HLA-E: variants seen among roughly 807,000 people sequenced by gnomAD.
HLA-E encodes the protein HLA class I histocompatibility antigen, alpha chain E.
In HLA-E, 25 loss-of-function variants were observed where a neutral mutation model predicts 43.4. The observed-to-expected ratio is 0.58, with a 90% CI of 0.42 to 0.80. The LOEUF (loss-of-function observed/expected upper bound fraction) is 0.80. Among genes scored for constraint, HLA-E ranks in the 30% least tolerant of loss-of-function variants. The probability of loss-of-function intolerance (pLI) is 0.00; values close to 1 mark genes in which losing one functional copy is unlikely to be tolerated. For synonymous variants in HLA-E, 161 were observed against 197.6 expected, an observed-to-expected ratio of 0.81 and a Z score of 1.55; for missense variants, 343 against 470.0, an observed-to-expected ratio of 0.73 and a Z score of 2.50.
In HLA-E at chr6:30,490,345, T is replaced by C. The variant is rs1796461686; in HGVS notation, c.440T>C (p.Leu147Pro). 6.2e-7 allele frequency: 1 copy of C among 1,612,946 alleles called. No individual in the cohort carries two copies. Among genetic ancestry groups the C allele is most frequent in the African/African-American group, 1.3e-5 (1 of 74,914 alleles). ...FAYDGKDYLT[L>P]NEDLRSWTAV... ...TACGACGGCAAGGATTATCTCACCCTGAATGAGGACCTGCGCTCCTGGACC... is the reference window on the plus strand; with the variant it reads ...TACGACGGCAAGGATTATCTCACCCCGAATGAGGACCTGCGCTCCTGGACC... The change falls in exon 3 of 8, where the codon CTG (leucine) becomes CCG (proline). Residue 147 changes from leucine (L) to proline (P), a missense_variant. By Grantham distance (98) the Leu-to-Pro change is moderately conservative. Transcript: ENST00000376630. The surrounding 1 kb of genome is among the most constrained non-coding windows in gnomAD (Gnocchi z 6.6).
chr6:30,491,584 C>T lies in HLA-E; in HGVS notation c.934C>T (p.Leu312=). 1 of 1,613,582 alleles carries T rather than the reference C, an allele frequency of 6.2e-7. No individual in the cohort carries two copies. Among genetic ancestry groups the T allele is most frequent in the Non-Finnish European group, 8.5e-7 (1 of 1,179,992 alleles). ...CCCCATCGTGGGCATCATTGCTGGC[C>T]TGGTTCTCCTTGGATCTGTGGTCTC... ...TIPIVGIIAG[L]VLLGSVVSGA... Residue 312 remains leucine, a synonymous_variant, in exon 5 of 8, where the codon CTG becomes TTG. Coordinates refer to ENST00000376630, the MANE Select transcript of HLA-E (RefSeq NM_005516.6). The surrounding 1 kb of genome is among the most constrained non-coding windows in gnomAD (Gnocchi z 5.4).
chr6:30,490,326 G>A lies in HLA-E; in HGVS notation c.421G>A (p.Gly141Ser). Reference sequence around the variant, plus strand: ...CGGGTATGAACAGTTCGCCTACGACGGCAAGGATTATCTCACCCTGAATGA... The same window carrying A: ...CGGGTATGAACAGTTCGCCTACGACAGCAAGGATTATCTCACCCTGAATGA... The part of the protein sequence containing the change: ...LRGYEQFAYD[G>S]KDYLTLNEDL... The change falls in exon 3 of 8, where the codon GGC (glycine) becomes AGC (serine). Residue 141 changes from glycine to serine, a missense_variant. This residue lies in a region of HLA-E where 190 missense variants were observed against 283.6 expected (regional missense o/e 0.67). Coordinates refer to ENST00000376630, the MANE Select transcript of HLA-E (RefSeq NM_005516.6). The surrounding 1 kb of genome is among the most constrained non-coding windows in gnomAD (Gnocchi z 6.6). 1 of 1,613,080 alleles carries A rather than the reference G, an allele frequency of 6.2e-7. No individual in the cohort carries two copies. The highest frequency in any genetic ancestry group is 8.5e-7 in the Non-Finnish European group (1 of 1,180,042).
Position 30,492,555 on chromosome 6 carries a change from C to T in HLA-E, c.1051C>T (p.Gln351Ter), listed in dbSNP as rs373777634. The change falls in exon 7 of 8, where the codon CAG becomes TAG. Residue 351 changes from glutamine to a stop codon, truncating the protein, a stop_gained. Transcript: ENST00000376630. LOFTEE classifies it high-confidence loss of function. The surrounding 1 kb of genome is among the most constrained non-coding windows in gnomAD (Gnocchi z 4.5). ...YSKAEWSDSAQGSESHSL is the reference protein window; with the variant it reads ...YSKAEWSDSA ...TTCTACCCCAGGGAGCGACAGTGCCCAGGGGTCTGAGTCTCACAGCTTGTA... is the reference window on the plus strand; with the variant it reads ...TTCTACCCCAGGGAGCGACAGTGCCTAGGGGTCTGAGTCTCACAGCTTGTA... 8 of 1,614,092 alleles carry T rather than the reference C, an allele frequency of 5.0e-6. No individual in the cohort carries two copies. The highest frequency in any genetic ancestry group is 8.5e-7 in the Non-Finnish European group (1 of 1,180,024).
In HLA-E at chr6:30,492,661, A is replaced by G. The variant is rs1796631667; in HGVS notation, c.*2+78A>G. 2.1e-6 allele frequency: 3 copies of G among 1,412,060 alleles called. No homozygotes were observed. The highest frequency in any genetic ancestry group is 2.3e-5 in the East Asian group (1 of 43,882). The allele number at this position is 1,412,060 out of a possible 1,614,324, so 87.5% of individuals were successfully genotyped here. On this transcript the variant is annotated intron_variant, in intron 7 of 7. Coordinates refer to ENST00000376630, the MANE Select transcript of HLA-E (RefSeq NM_005516.6). The surrounding 1 kb of genome is among the most constrained non-coding windows in gnomAD (Gnocchi z 4.5). The stretch of plus-strand genomic sequence containing the variant: ...CTGGGTTGTGGGGATTTTTTGATTC[A>G]GAATTTTTGAGTGTGTGGTGGGCTG...
chr6:30,492,558 G>A lies in HLA-E; in HGVS notation c.1054G>A (p.Gly352Arg), dbSNP rs1457322181. The A allele has an allele frequency of 6.2e-7, 1 of 1,614,164 alleles. No homozygotes were observed. The highest frequency in any genetic ancestry group is 8.5e-7 in the Non-Finnish European group (1 of 1,180,030). The change falls in exon 7 of 8, where the codon GGG (glycine) becomes AGG (arginine). Residue 352 changes from glycine (G) to arginine (R), a missense_variant. Coordinates refer to ENST00000376630, the MANE Select transcript of HLA-E (RefSeq NM_005516.6). This position sits in a 1 kb window ranked among gnomAD's most constrained non-coding sequence, Gnocchi z 4.5. The stretch of plus-strand genomic sequence containing the variant: ...TACCCCAGGGAGCGACAGTGCCCAG[G>A]GGTCTGAGTCTCACAGCTTGTAAAG... The part of the protein sequence containing the change: ...SKAEWSDSAQ[G>R]SESHSL
chr6:30,489,576 C>T lies in HLA-E; in HGVS notation c.45C>T (p.Ala15=), dbSNP rs753501391. The T allele has an allele frequency of 1.9e-6, 3 of 1,557,676 alleles. No homozygotes were observed. Among genetic ancestry groups the T allele is most frequent in the Non-Finnish European group, 2.6e-6 (3 of 1,152,920 alleles). The change falls in exon 1 of 8, where the codon GCC becomes GCT. Residue 15 remains alanine, a synonymous_variant. Transcript: ENST00000376630. This position sits in a 1 kb window ranked among gnomAD's most constrained non-coding sequence, Gnocchi z 5.6. ...TTTTACTCCTCTCGGAGGCCCTGGC[C>T]CTTACCCAGACCTGGGCGGGTGAGT... ...TLLLLLSEAL[A]LTQTWAGSHS... is the part of the protein sequence containing the mutation.
In HLA-E at chr6:30,490,336, A is replaced by G; in HGVS notation, c.431A>G (p.Tyr144Cys). ...YEQFAYDGKD[Y>C]LTLNEDLRSW... ...CAGTTCGCCTACGACGGCAAGGATT[A>G]TCTCACCCTGAATGAGGACCTGCGC... The change falls in exon 3 of 8, where the codon TAT becomes TGT. Residue 144 changes from tyrosine (Y) to cysteine (C), a missense_variant. Tyr to Cys is a radical substitution (Grantham distance 194). Around this residue, in one of 3 missense-constraint regions of HLA-E, gnomAD observed 190 missense variants for 283.6 expected, o/e 0.67. Coordinates refer to ENST00000376630, the MANE Select transcript of HLA-E (RefSeq NM_005516.6). This position sits in a 1 kb window ranked among gnomAD's most constrained non-coding sequence, Gnocchi z 6.6. 6.2e-7 allele frequency: 1 copy of G among 1,613,074 alleles called. No individual in the cohort carries two copies. Among genetic ancestry groups the G allele is most frequent in the South Asian group, 1.1e-5 (1 of 91,088 alleles).
Position 30,492,555 on chromosome 6 carries a change from C to G in HLA-E, c.1051C>G (p.Gln351Glu), listed in dbSNP as rs373777634. ...TTCTACCCCAGGGAGCGACAGTGCC[C>G]AGGGGTCTGAGTCTCACAGCTTGTA... ...YSKAEWSDSA[Q>E]GSESHSL The change falls in exon 7 of 8, where the codon CAG (glutamine) becomes GAG (glutamate). Residue 351 changes from glutamine to glutamate, a missense_variant. Coordinates refer to ENST00000376630, the MANE Select transcript of HLA-E (RefSeq NM_005516.6). The surrounding 1 kb of genome is among the most constrained non-coding windows in gnomAD (Gnocchi z 4.5). 3 of 1,613,974 alleles carry G rather than the reference C, an allele frequency of 1.9e-6. No individual in the cohort carries two copies. Among genetic ancestry groups the G allele is most frequent in the African/African-American group, 2.7e-5 (2 of 74,886 alleles).
At position 30,490,096 on chromosome 6, in the gene HLA-E, C is replaced by G; in HGVS notation, c.334+101C>G. On this transcript the variant is annotated intron_variant, in intron 2 of 7. Transcript: ENST00000376630. This position sits in a 1 kb window ranked among gnomAD's most constrained non-coding sequence, Gnocchi z 6.6. ...TTCGGGTCCCAGATTCACCCCAAGG[C>G]TGCGGAACCCGCCCAGACCCTAGAC... 6.7e-7 allele frequency: 1 copy of G among 1,503,164 alleles called. No homozygotes were observed. Among genetic ancestry groups the G allele is most frequent in the Non-Finnish European group, 9.0e-7 (1 of 1,105,026 alleles). 93.1% of individuals were successfully genotyped at this position (1,503,164 alleles called of 1,614,324 possible).
rs897266721 is a variant in HLA-E, at chr6:30,492,203, G to A, written c.1004-201G>A. Among the ~76,000 whole-genome samples the A allele has an allele frequency of 6.6e-6, 1 of 152,132 alleles. No individual in the cohort carries two copies. Among genetic ancestry groups the A allele is most frequent in the Non-Finnish European group, 1.5e-5 (1 of 68,024 alleles). On this transcript the variant is annotated intron_variant, in intron 5 of 7. Transcript: ENST00000376630. This position sits in a 1 kb window ranked among gnomAD's most constrained non-coding sequence, Gnocchi z 4.5. ...GATCCCAGCAGTCACAGGTCACAGG[G>A]GAAGGTCCCTGCTGAAGACAGACCT...
chr6:30,489,962 A>G lies in HLA-E; in HGVS notation c.301A>G (p.Thr101Ala). Reference sequence around the variant, plus strand: ...ACAGATTTTCCGAGTGAATCTGCGGACGCTGCGCGGCTACTACAATCAGAG... The same window carrying G: ...ACAGATTTTCCGAGTGAATCTGCGGGCGCTGCGCGGCTACTACAATCAGAG... ...TAQIFRVNLR[T>A]LRGYYNQSEA... The change falls in exon 2 of 8, where the codon ACG (threonine) becomes GCG (alanine). Residue 101 changes from threonine to alanine, a missense_variant. Around this residue, in one of 3 missense-constraint regions of HLA-E, gnomAD observed 94 missense variants for 144.4 expected, o/e 0.65. Transcript: ENST00000376630. This position sits in a 1 kb window ranked among gnomAD's most constrained non-coding sequence, Gnocchi z 5.6. 6.2e-7 allele frequency: 1 copy of G among 1,610,940 alleles called. No homozygotes were observed. The highest frequency in any genetic ancestry group is 8.5e-7 in the Non-Finnish European group (1 of 1,178,724).
chr6:30,491,748 C>A lies in HLA-E; in HGVS notation c.1003+95C>A. The A allele has an allele frequency of 1.0e-6, 1 of 986,550 alleles. No homozygotes were observed. The highest frequency in any genetic ancestry group is 1.5e-6 in the Non-Finnish European group (1 of 649,866). The allele number at this position is 986,550 out of a possible 1,614,324, so 61.1% of individuals were successfully genotyped here. ...TGTGTCCTGCCTCGTTACTGGGAAG[C>A]ACCATCCACACACACGAGCCTACCC... On this transcript the variant is annotated intron_variant, in intron 5 of 7. Coordinates refer to ENST00000376630, the MANE Select transcript of HLA-E (RefSeq NM_005516.6). The surrounding 1 kb of genome is among the most constrained non-coding windows in gnomAD (Gnocchi z 5.4).
chr6:30,493,795 A>G lies in HLA-E; in HGVS notation c.*1049A>G, dbSNP rs1437303250. The G allele has an allele frequency of 6.6e-6, 1 of 152,578 alleles. No individual in the cohort carries two copies. Among genetic ancestry groups the G allele is most frequent in the Non-Finnish European group, 1.5e-5 (1 of 68,344 alleles). 9.5% of individuals were successfully genotyped at this position (152,578 alleles called of 1,614,324 possible). A position where few individuals can be genotyped will look rare whatever the true frequency, so the allele number is the denominator to read the frequency against. On this transcript the variant is annotated 3_prime_UTR_variant, in exon 8 of 8. Coordinates refer to ENST00000376630, the MANE Select transcript of HLA-E (RefSeq NM_005516.6). The surrounding 1 kb of genome is among the most constrained non-coding windows in gnomAD (Gnocchi z 5.5). ...GCCACAGAGGGCCCCCACCAGGGAAATGTCTAGTGTCTAGTGGATCCAGGC... is the reference window on the plus strand; with the variant it reads ...GCCACAGAGGGCCCCCACCAGGGAAGTGTCTAGTGTCTAGTGGATCCAGGC...
Position 30,491,449 on chromosome 6 carries a change from G to A in HLA-E, c.886+37G>A, listed in dbSNP as rs1487981845. ...GATGGGAGGTCATGTCTCTTCTCAG[G>A]GAAAGCGGGAGCCCTTCTGGAGCCC... On this transcript the variant is annotated intron_variant, in intron 4 of 7. Transcript: ENST00000376630. The surrounding 1 kb of genome is among the most constrained non-coding windows in gnomAD (Gnocchi z 5.4). 5 of 1,612,638 alleles carry A rather than the reference G, an allele frequency of 3.1e-6. No homozygotes were observed. The African/African-American group carries it at 4.0e-5, about 13-fold the overall frequency.
In HLA-E at chr6:30,491,695, A is replaced by G; in HGVS notation, c.1003+42A>G. ...GGTGGGGTCTGAGTTTTCTTGTCCC[A>G]CTGGGTGTTTCAAGCCCTAGGTAAA... is the stretch of plus-strand genomic sequence containing the variant. On this transcript the variant is annotated intron_variant, in intron 5 of 7. Coordinates refer to ENST00000376630, the MANE Select transcript of HLA-E (RefSeq NM_005516.6). This position sits in a 1 kb window ranked among gnomAD's most constrained non-coding sequence, Gnocchi z 5.4. 2 of 1,511,836 alleles carry G rather than the reference A, an allele frequency of 1.3e-6. No homozygotes were observed. The highest frequency in any genetic ancestry group is 1.1e-5 in the South Asian group (1 of 87,240). The allele number at this position is 1,511,836 out of a possible 1,614,324, so 93.7% of individuals were successfully genotyped here. A position where few individuals can be genotyped will look rare whatever the true frequency, so the allele number is the denominator to read the frequency against.
In HLA-E at chr6:30,491,551, C is replaced by A. The variant is rs1409467336; in HGVS notation, c.901C>A (p.Pro301Thr). The A allele has an allele frequency of 6.2e-7, 1 of 1,613,266 alleles. No individual in the cohort carries two copies. Among genetic ancestry groups the A allele is most frequent in the Non-Finnish European group, 8.5e-7 (1 of 1,179,878 alleles). ...VTLRWKPASQ[P>T]TIPIVGIIAG... ...TCTTTTCCCAGAGCCGGCTTCCCAG[C>A]CCACCATCCCCATCGTGGGCATCAT... Residue 301 changes from proline (P) to threonine (T), a missense_variant, in exon 5 of 8, where the codon CCC becomes ACC. Coordinates refer to ENST00000376630, the MANE Select transcript of HLA-E (RefSeq NM_005516.6). The surrounding 1 kb of genome is among the most constrained non-coding windows in gnomAD (Gnocchi z 5.4).
Position 30,490,500 on chromosome 6 carries a change from A to T in HLA-E, c.595A>T (p.Thr199Ser). ...CAAATACCTGGAGAAGGGGAAGGAG[A>T]CGCTGCTTCACCTGGGTAAGAGGGT... is the stretch of plus-strand genomic sequence containing the variant. Reference protein sequence around the residue: ...LHKYLEKGKETLLHLEPPKTH... With the variant: ...LHKYLEKGKESLLHLEPPKTH... The change falls in exon 3 of 8, where the codon ACG becomes TCG. Residue 199 changes from threonine (T) to serine (S), a missense_variant. By Grantham distance (58) the Thr-to-Ser change is moderately conservative (BLOSUM62 1). This residue lies in a region of HLA-E where 190 missense variants were observed against 283.6 expected (regional missense o/e 0.67). Transcript: ENST00000376630. The surrounding 1 kb of genome is among the most constrained non-coding windows in gnomAD (Gnocchi z 6.6). The T allele has an allele frequency of 6.2e-7, 1 of 1,612,680 alleles. No individual in the cohort carries two copies. The highest frequency in any genetic ancestry group is 8.5e-7 in the Non-Finnish European group (1 of 1,179,902).
Position 30,491,013 on chromosome 6 carries a change from T to A in HLA-E, c.611-124T>A. On this transcript the variant is annotated intron_variant, in intron 3 of 7. Transcript: ENST00000376630. The surrounding 1 kb of genome is among the most constrained non-coding windows in gnomAD (Gnocchi z 5.4). ...CCAGATCCCTAAGTCCAGGCTGGTG[T>A]CAAGGTTTTGTCCTCTTCTCCTACT... 4 of 1,342,182 alleles carry A rather than the reference T, an allele frequency of 3.0e-6. No individual in the cohort carries two copies. The South Asian group carries it at 5.4e-5, about 18-fold the overall frequency. The allele number at this position is 1,342,182 out of a possible 1,614,324, so 83.1% of individuals were successfully genotyped here.
rs547027250 is a variant in HLA-E, at chr6:30,491,959, G to C, written c.1003+306G>C. ...CTACACATGCGTGCCACCACACCTG[G>C]CTAATTTTTTTTTTTGTATTTTTAG... On this transcript the variant is annotated intron_variant, in intron 5 of 7. Coordinates refer to ENST00000376630, the MANE Select transcript of HLA-E (RefSeq NM_005516.6). The surrounding 1 kb of genome is among the most constrained non-coding windows in gnomAD (Gnocchi z 5.4). 2.0e-5 allele frequency among the ~76,000 whole-genome samples: 3 copies of C among 152,166 alleles called. No individual in the cohort carries two copies. In the East Asian group the frequency reaches 5.8e-4, roughly 29 times the overall value.
Sources: gnomAD v4.1 joint callset for allele counts (sites outside exome capture counted in the v4.1 genomes callset) on GRCh38, gnomAD v4.1.1 for gene constraint, gnomAD v4.1.1 regional missense constraint, Gnocchi (gnomAD v3.1) non-coding constraint, MANE v1.5 for transcripts, NCBI Gene and HGNC (gene_info 2026-07-23, HGNC 2026-07-21) for gene names.